RASA3: variants seen among roughly 807,000 people sequenced by gnomAD.
RASA3 encodes ras GTPase-activating protein 3.
Under a neutral mutation model 110.0 loss-of-function variants are expected in RASA3, and 73 were observed. The ratio of observed to expected loss-of-function variants is 0.66; its 90% CI spans 0.55 to 0.81. The LOEUF is 0.81. RASA3 is among the 30% of genes least tolerant of loss of function. The pLI is 0.00. For missense variants in RASA3, 976 were observed against 1,113.2 expected (o/e 0.88, Z 1.75); for synonymous variants, 500 against 451.4 (o/e 1.11, Z -1.37).
In RASA3 at chr13:114,114,081, A is replaced by AAGTGTCTGCGATGTCTGT. The variant is rs1181238578; in HGVS notation, c.55+18336_55+18353dup. ...CATCCATCAATCCACCCACCACAGC[A>AAGTGTCTGCGATGTCTGT]AGTGTCTGCGATGTCTGTAGTGTCT... On this transcript the variant is annotated intron_variant, in intron 1 of 23. Transcript: ENST00000334062. The surrounding 1 kb of genome is among the most constrained non-coding windows in gnomAD (Gnocchi z 4.8). Among the ~76,000 whole-genome samples the AAGTGTCTGCGATGTCTGT allele has an allele frequency of 6.6e-6, 1 of 151,978 alleles. No homozygotes were observed. Among genetic ancestry groups the AAGTGTCTGCGATGTCTGT allele is most frequent in the Non-Finnish European group, 1.5e-5 (1 of 68,004 alleles).
chr13:114,117,729 T>A, intron 1 of RASA3, among the ~76,000 whole-genome samples: 1 of 119,336 alleles, frequency 8.4e-6, no homozygotes, highest in African/African-American at 3.3e-5. Flanking sequence ...GATGCATGTG[T>A]GTGAGGAGAG....
At chr13:113,999,388 A>T (rs965329019) in intron 20 of RASA3, among the ~76,000 whole-genome samples, 197 bp downstream of exon 20, 1 of 151,916 alleles carries the variant, frequency 6.6e-6, no homozygotes, top group African/African-American at 2.4e-5. Context: ...GGGCACAGAG[A>T]GTGTGGCTGC....
At chr13:114,071,388 C>T (rs1204291264) in intron 2 of RASA3, among the ~76,000 whole-genome samples, 1 of 152,200 alleles carries the variant, frequency 6.6e-6, no homozygotes, top group Non-Finnish European at 1.5e-5. Flanking sequence ...GATTCTCCTC[C>T]CACTGGCTCT....
At chr13:114,001,566 G>A (rs1373490088) in intron 18 of RASA3, among the ~76,000 whole-genome samples, 2 of 150,748 alleles carry the variant, frequency 1.3e-5, no homozygotes, top group African/African-American at 4.9e-5. Context: ...GGTCAGGGCG[G>A]ACAGTGGATG....
At chr13:114,043,695 T>C (rs2078977954) in intron 3 of RASA3, among the ~76,000 whole-genome samples, 2 of 151,936 alleles carry the variant, frequency 1.3e-5, no homozygotes, top group South Asian at 2.1e-4. Flanking sequence ...CCCCAGCACA[T>C]GTGGGAGAAG....
At chr13:114,013,844 C>T (rs1382156631) in intron 14 of RASA3, among the ~76,000 whole-genome samples, 2 of 133,934 alleles carry the variant, frequency 1.5e-5, no homozygotes, top group African/African-American at 2.7e-5. Context: ...GTCTCTCTCT[C>T]CATCTCTCTG....
chr13:114,041,461 C>T (rs928340771), intron 3 of RASA3, among the ~76,000 whole-genome samples: 4 of 152,284 alleles, frequency 2.6e-5, no homozygotes, highest in African/African-American at 7.2e-5. Context: ...GCTGTGAAGG[C>T]GCGAACGTCC....
intron 2 of RASA3, among the ~76,000 whole-genome samples, chr13:114,063,572 C>T (rs61973915): frequency 0.016 from 2,367 of 152,328 alleles, 28 homozygotes; most frequent in Middle Eastern, 0.037. Context: ...CCATGGGCCA[C>T]TTTCCAAAGA....
At chr13:114,100,155 G>A (rs66736947) in intron 1 of RASA3, among the ~76,000 whole-genome samples, 23,024 of 151,022 alleles carry the variant, frequency 0.15, 1,857 homozygotes, top group Middle Eastern at 0.2. Context: ...ATAGGAAGAC[G>A]CCGAATGGTA....
rs555854389 is a variant in RASA3 at position 114,003,986 on chromosome 13, G to A, written c.1743-3054C>T. Among the ~76,000 whole-genome samples, 24 of 152,292 alleles carry A rather than the reference G, an allele frequency of 1.6e-4. No individual in the cohort carries two copies. The East Asian group carries it at 4.4e-3, about 28-fold the overall frequency. ...AATTGCCTCGCTGAAAGAACTTTTT[G>A]TCTAAATGCTAATTTTTCCTTATGG... On this transcript the variant is annotated intron_variant, in intron 18 of 23. Transcript: ENST00000334062.
chr13:114,072,390 T>C (rs2079587027), intron 2 of RASA3, among the ~76,000 whole-genome samples: 1 of 152,212 alleles, frequency 6.6e-6, no homozygotes, highest in Non-Finnish European at 1.5e-5. Context: ...TTTAAGAGTT[T>C]GTTTTTCTTG....
chr13:114,076,325 A>C (rs1953128597), intron 1 of RASA3, among the ~76,000 whole-genome samples: 2 of 152,088 alleles, frequency 1.3e-5, no homozygotes, highest in African/African-American at 2.4e-5. Flanking sequence ...CCCTCAGAAC[A>C]CCTCAACACG....
In RASA3 at chr13:113,996,511, G is replaced by A; in HGVS notation, c.2141+20C>T. On this transcript the variant is annotated intron_variant, in intron 21 of 23. Coordinates refer to ENST00000334062, the MANE Select transcript of RASA3 (RefSeq NM_007368.4). ...ATTTCCTGCACAGTGCACGAGCTGG[G>A]CACCGAGGCACAGACCTACCCAGTG... is the stretch of plus-strand genomic sequence containing the variant. 1.2e-6 allele frequency: 2 copies of A among 1,606,568 alleles called. No individual in the cohort carries two copies. The highest frequency in any genetic ancestry group is 1.7e-5 in the Admixed American group (1 of 59,936).
chr13:114,017,898 C>T (rs1046210650), intron 11 of RASA3, among the ~76,000 whole-genome samples: 3 of 151,152 alleles, frequency 2.0e-5, no homozygotes, highest in African/African-American at 2.4e-5. Context: ...TCACTCTACC[C>T]GGGATTTCAA....
intron 1 of RASA3, among the ~76,000 whole-genome samples, chr13:114,078,652 A>G (rs2139687034): frequency 6.6e-6 from 1 of 152,366 alleles, no homozygotes; most frequent in East Asian, 1.9e-4. Context: ...ATAACACCGC[A>G]AAACCTGATT....
rs561527113 is a variant in RASA3, at chr13:113,991,116, G to T, written c.2245+1369C>A. The stretch of plus-strand genomic sequence containing the variant: ...AAGCTCACAGATGGGCAGCTGCACG[G>T]ACACCCAGGGCATGTGGGGCTGGAG... On this transcript the variant is annotated intron_variant, in intron 22 of 23. Transcript: ENST00000334062. Among the ~76,000 whole-genome samples the T allele has an allele frequency of 8.1e-5, 10 of 123,540 alleles. 3 individuals are homozygous for T. In the South Asian group the frequency reaches 9.1e-4, roughly 11 times the overall value. The allele number at this position is 123,540 out of a possible 152,430, so 81.0% of individuals were successfully genotyped here.
At chr13:114,008,023 T>G (rs1328653951) in intron 17 of RASA3, among the ~76,000 whole-genome samples, 1,805 of 20,210 alleles carry the variant, frequency 0.089, 62 homozygotes, top group East Asian at 0.3. Flanking sequence ...GGGGCCTGGA[T>G]ATTCCCCCCA....
intron 13 of RASA3, 52 bp from the exon 14 acceptor site, chr13:114,015,384 G>A (rs746929982): frequency 1.4e-5 from 23 of 1,601,742 alleles, no homozygotes; most frequent in East Asian, 6.7e-5. Context: ...CCACAGGTGC[G>A]TGTAGCACCA....
chr13:114,132,452 C>T lies in RASA3; in HGVS notation c.38G>A (p.Ser13Asn). The T allele has an allele frequency of 2.6e-6, 4 of 1,526,994 alleles. No homozygotes were observed. The highest frequency in any genetic ancestry group is 3.5e-6 in the Non-Finnish European group (4 of 1,144,530). The allele number at this position is 1,526,994 out of a possible 1,614,324, so 94.6% of individuals were successfully genotyped here. A position where few individuals can be genotyped will look rare whatever the true frequency, so the allele number is the denominator to read the frequency against. The change falls in exon 1 of 24, where the codon AGC (serine) becomes AAC (asparagine). Residue 13 changes from serine (S) to asparagine (N), a missense_variant. Physicochemically the swap from Ser to Asn is conservative, Grantham distance 46 (BLOSUM62 1). Transcript: ENST00000334062. ...VEDEGLRVFQ[S>N]VKIKIGEAKN... Reference sequence around the variant, plus strand: ...ACACTCACCGATCTTGATCTTCACGCTCTGGAAGACCCGGAGCCCCTCGTC... The same window carrying T: ...ACACTCACCGATCTTGATCTTCACGTTCTGGAAGACCCGGAGCCCCTCGTC...
Sources: allele counts gnomAD v4.1 joint callset (sites outside exome capture counted in the v4.1 genomes callset), GRCh38; gene constraint gnomAD v4.1.1; non-coding constraint Gnocchi (gnomAD v3.1); transcripts MANE v1.5; gene names NCBI Gene and HGNC (gene_info 2026-07-23, HGNC 2026-07-21).